PCDH15: variants seen among roughly 807,000 people sequenced by gnomAD.
PCDH15 encodes protocadherin related 15, also known as protocadherin-15.
PCDH15 carries 129 observed loss-of-function variants against 178.5 expected under a neutral mutation model. The observed-to-expected ratio is 0.72, with a 90% CI of 0.63 to 0.84. The LOEUF is 0.84. Ranked by LOEUF, PCDH15 falls within the 40% of genes least tolerant of loss-of-function variation. The pLI, the probability that PCDH15 is intolerant of heterozygous loss-of-function variation, is 0.00. For missense variants in PCDH15, 2,230 were observed against 2,099.9 expected (o/e 1.06, Z -1.21); for synonymous variants, 800 against 732.0 (o/e 1.09, Z -1.50).
intron 15 of PCDH15, among the ~76,000 whole-genome samples, chr10:54,122,319 C>T (rs950666465): frequency 6.6e-6 from 1 of 151,936 alleles, no homozygotes; most frequent in South Asian, 2.1e-4. Context: ...ATTCAACATC[C>T]CTTCATGGTA....
chr10:53,850,767 G>T (rs1363938289), intron 28 of PCDH15, among the ~76,000 whole-genome samples: 1 of 152,020 alleles, frequency 6.6e-6, no homozygotes, highest in Non-Finnish European at 1.5e-5. Flanking sequence ...ATCATTCATG[G>T]CAATTCTCTG....
intron 2 of PCDH15, among the ~76,000 whole-genome samples, chr10:55,469,640 A>T (rs1839914219): frequency 6.6e-6 from 1 of 151,926 alleles, no homozygotes; most frequent in Non-Finnish European, 1.5e-5. Context: ...AATGCTGTGA[A>T]TGTTATCATC....
At chr10:54,039,718 G>T (rs1475466750) in intron 18 of PCDH15, among the ~76,000 whole-genome samples, 1 of 151,856 alleles carries the variant, frequency 6.6e-6, no homozygotes, top group Non-Finnish European at 1.5e-5. Flanking sequence ...TCATTCTCCT[G>T]CTGCTAAAAT....
At chr10:54,397,949 G>A (rs1951454056) in intron 3 of PCDH15, among the ~76,000 whole-genome samples, 1 of 151,882 alleles carries the variant, frequency 6.6e-6, no homozygotes, top group South Asian at 2.1e-4. Flanking sequence ...ATCTATTGCT[G>A]AGATAGATTT....
At chr10:53,935,382 T>G (rs2085477587) in intron 25 of PCDH15, among the ~76,000 whole-genome samples, 1 of 152,016 alleles carries the variant, frequency 6.6e-6, no homozygotes, top group African/African-American at 2.4e-5. Flanking sequence ...TTCAATTAGA[T>G]GTGTGGGAAA....
intron 25 of PCDH15, among the ~76,000 whole-genome samples, chr10:53,904,986 T>C (rs2082575817): frequency 6.6e-6 from 1 of 152,174 alleles, no homozygotes; most frequent in South Asian, 2.1e-4. Flanking sequence ...GGATGAGTCA[T>C]TTAAAATGTT....
At chr10:54,853,044 C>T (rs1418762515) in intron 3 of PCDH15, among the ~76,000 whole-genome samples, 2 of 150,700 alleles carry the variant, frequency 1.3e-5, no homozygotes, top group Non-Finnish European at 3.0e-5. Flanking sequence ...GCAGATCACC[C>T]GAGGTTGGGA....
chr10:55,157,984 A>G (rs201705453), intron 2 of PCDH15, among the ~76,000 whole-genome samples: 59,715 of 151,088 alleles, frequency 0.4, 12,334 homozygotes, highest in African/African-American at 0.52. Flanking sequence ...ACATAAATAC[A>G]TAAATATTGT....
intron 4 of PCDH15, 73 bp from the exon 5 acceptor site, chr10:54,369,348 T>C: frequency 1.5e-6 from 2 of 1,315,654 alleles, no homozygotes; most frequent in Non-Finnish European, 2.2e-6. Context: ...AAAGCACTCG[T>C]TCATTCAGTA....
chr10:55,041,745 G>A (rs903359640), intron 2 of PCDH15, among the ~76,000 whole-genome samples: 11 of 152,050 alleles, frequency 7.2e-5, no homozygotes, highest in Non-Finnish European at 1.5e-5. Flanking sequence ...GATTAATTTT[G>A]TGGTGCCCCA....
intron 2 of PCDH15, among the ~76,000 whole-genome samples, chr10:55,133,800 A>G (rs1838118421): frequency 6.6e-6 from 1 of 152,140 alleles, no homozygotes; most frequent in Admixed American, 6.6e-5. Flanking sequence ...CAGAAACCAC[A>G]TCTAACACAT....
At chr10:54,150,325 G>A (rs1158586521) in intron 14 of PCDH15, among the ~76,000 whole-genome samples, 6 of 152,022 alleles carry the variant, frequency 3.9e-5, no homozygotes, top group Admixed American at 3.9e-4. Context: ...TGTGATTAAT[G>A]ATGATCACAC....
chr10:53,807,069 C>G lies in PCDH15; in HGVS notation c.4733G>C (p.Gly1578Ala), dbSNP rs779719080. ...CTGACATTCAGGAGCACTGTCTTCT[C>G]CAGTTGAGCTGGTTTCATACTCTCG... ...VDREYETSST[G>A]EDSAPECQRN... Residue 1578 changes from glycine (G) to alanine (A), a missense_variant, in exon 38 of 38, where the codon GGA (glycine) becomes GCA (alanine). By Grantham distance (60) the Gly-to-Ala change is moderately conservative (BLOSUM62 0). Transcript: ENST00000644397. 1.2e-6 allele frequency: 2 copies of G among 1,612,208 alleles called. No individual in the cohort carries two copies. The highest frequency in any genetic ancestry group is 2.2e-5 in the South Asian group (2 of 91,040).
intron 25 of PCDH15, among the ~76,000 whole-genome samples, chr10:53,920,174 C>G (rs1337948582): frequency 6.6e-6 from 1 of 152,016 alleles, no homozygotes; most frequent in Non-Finnish European, 1.5e-5. Flanking sequence ...AATACAAGGG[C>G]CTGCTTTCTC....
intron 32 of PCDH15, among the ~76,000 whole-genome samples, chr10:53,823,613 G>GAGAGT (rs2076467121): frequency 6.6e-6 from 1 of 151,806 alleles, no homozygotes; most frequent in Non-Finnish European, 1.5e-5. Context: ...TATTTTGGAA[G>GAGAGT]AGAGTATTTT....
intron 2 of PCDH15, among the ~76,000 whole-genome samples, chr10:55,348,474 C>T (rs12569785): frequency 0.21 from 32,493 of 151,958 alleles, 3,854 homozygotes; most frequent in African/African-American, 0.31. Context: ...AATGAACAAA[C>T]AAACCCCTGG....
At chr10:55,211,826 A>G (rs934495311) in intron 1 of PCDH15, among the ~76,000 whole-genome samples, 1 of 152,090 alleles carries the variant, frequency 6.6e-6, no homozygotes, top group Non-Finnish European at 1.5e-5. Flanking sequence ...AGAAATTCGG[A>G]CTTAAGTTAT....
intron 1 of PCDH15, among the ~76,000 whole-genome samples, chr10:55,245,808 A>T (rs1841665501): frequency 6.6e-6 from 1 of 152,200 alleles, no homozygotes. Context: ...AGATAGCATA[A>T]CACGAATTTG....
chr10:54,799,289 T>C (rs549389040), intron 1 of PCDH15, among the ~76,000 whole-genome samples: 59 of 152,256 alleles, frequency 3.9e-4, no homozygotes, highest in African/African-American at 1.4e-3. Flanking sequence ...ATACAACACA[T>C]ACCATGCAAA....
Sources: gnomAD v4.1 joint callset for allele counts (sites outside exome capture counted in the v4.1 genomes callset) on GRCh38, gnomAD v4.1.1 for gene constraint, MANE v1.5 for transcripts, NCBI Gene and HGNC (gene_info 2026-07-23, HGNC 2026-07-21) for gene names.